The following GAPVD1 variants were observed in gnomAD, a reference collection of about 807,000 sequenced individuals.
GAPVD1 encodes the protein GTPase activating protein and VPS9 domains 1.
In GAPVD1, 35 loss-of-function variants were observed where a neutral mutation model predicts 155.5. That is an observed-to-expected ratio of 0.23 (90% CI 0.17 to 0.30). The LOEUF (loss-of-function observed/expected upper bound fraction) is 0.30, where lower values mean the gene tolerates loss of function less well. GAPVD1 is among the 10% of genes least tolerant of loss of function. The pLI is 1.00. For synonymous variants in GAPVD1, 636 were observed against 619.7 expected (o/e 1.03, Z -0.39); for missense variants, 1,429 against 1,775.7 (o/e 0.80, Z 3.51).
At chr9:125,305,197 T>A in intron 6 of GAPVD1, 48 bp downstream of exon 6, 1 of 1,199,088 alleles carries the variant, frequency 8.3e-7, no homozygotes, top group Non-Finnish European at 1.2e-6. Context: ...TTAGTGAGCC[T>A]AACTGTTCTC....
chr9:125,311,385 G>C (rs1011200440), intron 8 of GAPVD1, among the ~76,000 whole-genome samples: 2 of 152,178 alleles, frequency 1.3e-5, no homozygotes, highest in African/African-American at 4.8e-5. Flanking sequence ...ACTTGGGGAA[G>C]CCAAGGTGCG....
chr9:125,358,288 T>C (rs1231691404), intron 25 of GAPVD1, among the ~76,000 whole-genome samples: 1 of 152,136 alleles, frequency 6.6e-6, no homozygotes, highest in African/African-American at 2.4e-5. Flanking sequence ...GTATTTTTAG[T>C]AGAGATGGGT....
intron 12 of GAPVD1, among the ~76,000 whole-genome samples, chr9:125,328,824 A>AG (rs1218558893): frequency 9.5e-6 from 1 of 105,800 alleles, no homozygotes; most frequent in Non-Finnish European, 1.8e-5. Flanking sequence ...CTGGCCGGGC[A>AG]GGGGGCTGAC....
At chr9:125,263,081 T>A (rs988374197) in intron 1 of GAPVD1, among the ~76,000 whole-genome samples, 37 of 152,368 alleles carry the variant, frequency 2.4e-4, no homozygotes, top group Non-Finnish European at 4.1e-4. Flanking sequence ...TCCATATAAT[T>A]GGTTTCCCTT....
At chr9:125,342,031 A>G (rs1232043649) in intron 18 of GAPVD1, 188 bp from the exon 19 acceptor site, 3 of 530,448 alleles carry the variant, frequency 5.7e-6, no homozygotes, top group African/African-American at 1.9e-5. Flanking sequence ...GATGACTCCG[A>G]AGCAGGTTCT....
At chr9:125,325,224 GAA>G (rs376467108) in intron 11 of GAPVD1, among the ~76,000 whole-genome samples, 1 of 130,418 alleles carries the variant, frequency 7.7e-6, no homozygotes. Context: ...GACTCTGATT[GAA>G]AAAAAAAAAG....
At chr9:125,352,854 C>T (rs1359718000) in intron 23 of GAPVD1, among the ~76,000 whole-genome samples, 2 of 152,166 alleles carry the variant, frequency 1.3e-5, no homozygotes, top group Non-Finnish European at 2.9e-5. Context: ...TGCCTGTAAT[C>T]CTAGCACTTT....
At chr9:125,263,860 G>A (rs1018580359) in intron 1 of GAPVD1, 14 of 1,322,706 alleles carry the variant, frequency 1.1e-5, no homozygotes, top group Non-Finnish European at 1.4e-5. Context: ...GCAGATGAAG[G>A]TAATCCCGGA....
At chr9:125,317,917 G>A (rs1236743566) in intron 9 of GAPVD1, among the ~76,000 whole-genome samples, 3 of 152,150 alleles carry the variant, frequency 2.0e-5, no homozygotes, top group African/African-American at 4.8e-5. Context: ...GATTTGTACA[G>A]GCAGAAAAAT....
intron 9 of GAPVD1, among the ~76,000 whole-genome samples, chr9:125,317,688 T>C (rs987796324): frequency 1.0e-4 from 15 of 149,706 alleles, no homozygotes; most frequent in African/African-American, 3.7e-4. Context: ...AGCACAGACA[T>C]TGGACTTACT....
chr9:125,323,050 C>G (rs1200482972), intron 10 of GAPVD1, among the ~76,000 whole-genome samples: 35 of 130,898 alleles, frequency 2.7e-4, no homozygotes, highest in African/African-American at 8.2e-4. Context: ...GAGACTCTCT[C>G]TAAAAAAAAA....
intron 24 of GAPVD1, 50 bp downstream of exon 24, chr9:125,354,891 G>A (rs1329633846): frequency 7.9e-7 from 1 of 1,272,530 alleles, no homozygotes; most frequent in African/African-American, 1.5e-5. Flanking sequence ...AATACTGTTG[G>A]GAAGATTTAG....
rs1474374505 is a variant in GAPVD1, at chr9:125,337,190, C to T, written c.2507-31C>T. The T allele has an allele frequency of 1.9e-6, 3 of 1,611,532 alleles. No homozygotes were observed. The Admixed American group carries it at 5.0e-5, about 27-fold the overall frequency. On this transcript the variant is annotated intron_variant, in intron 16 of 27. Coordinates refer to ENST00000297933, the MANE Select transcript of GAPVD1 (RefSeq NM_001282680.3). ...TGCCTTTGTTAGATATGTTGTGTCT[C>T]AGTTACAAAACTTTTTTTCCTGTGT...
intron 2 of GAPVD1, among the ~76,000 whole-genome samples, chr9:125,286,403 C>G (rs567234748): frequency 2.0e-5 from 3 of 151,992 alleles, no homozygotes; most frequent in Non-Finnish European, 4.4e-5. Context: ...CTTGGCTTCC[C>G]AAAGTGCTGG....
intron 24 of GAPVD1, 21 bp from the exon 25 acceptor site, chr9:125,355,623 A>G (rs1309596257): frequency 7.0e-7 from 1 of 1,436,974 alleles, no homozygotes; most frequent in Admixed American, 1.9e-5. Context: ...ACTATTTAAA[A>G]ATTATTATTT....
intron 8 of GAPVD1, among the ~76,000 whole-genome samples, chr9:125,311,939 C>T (rs1425061856): frequency 6.6e-6 from 1 of 151,966 alleles, no homozygotes; most frequent in African/African-American, 2.4e-5. Context: ...TGGCTGGTCT[C>T]GAACTCCTGA....
Position 125,345,297 on chromosome 9 carries a change from C to T in GAPVD1, c.3047-1522C>T, listed in dbSNP as rs542382741. Among the ~76,000 whole-genome samples, 5 of 152,032 alleles carry T rather than the reference C, an allele frequency of 3.3e-5. No individual in the cohort carries two copies. In the South Asian group the frequency reaches 8.3e-4, roughly 25 times the overall value. On this transcript the variant is annotated intron_variant, in intron 19 of 27. Transcript: ENST00000297933. ...CTGGGTTCAAGTGATTCTTCTGCCT[C>T]AGCCTCCCGAGTAGCTGGGATTATA...
At chr9:125,347,485 G>A (rs1473616555) in intron 20 of GAPVD1, among the ~76,000 whole-genome samples, 2 of 152,162 alleles carry the variant, frequency 1.3e-5, no homozygotes. Context: ...CAGCACTTTG[G>A]GGGGCCGAGG....
rs529465570 is a variant in GAPVD1 at position 125,341,060 on chromosome 9, G to A, written c.2878-117G>A. ...TGATTGTGCTACTGCACTCCAGCCT[G>A]GGCAACAGAATGAGATCCTATCTCA... is the stretch of plus-strand genomic sequence containing the variant. On this transcript the variant is annotated intron_variant, in intron 17 of 27. Coordinates refer to ENST00000297933, the MANE Select transcript of GAPVD1 (RefSeq NM_001282680.3). 37 of 699,270 alleles carry A rather than the reference G, an allele frequency of 5.3e-5. 1 individual carries two copies. The highest frequency in any genetic ancestry group is 5.2e-4 in the South Asian group (35 of 67,534). 43.3% of individuals were successfully genotyped at this position (699,270 alleles called of 1,614,324 possible).
Sources: allele counts gnomAD v4.1 joint callset (sites outside exome capture counted in the v4.1 genomes callset), GRCh38; gene constraint gnomAD v4.1.1; transcripts MANE v1.5; gene names NCBI Gene and HGNC (gene_info 2026-07-23, HGNC 2026-07-21).